DUSP29: variants seen among roughly 807,000 people sequenced by gnomAD.
DUSP29 encodes dual specificity phosphatase 29.
A neutral mutation model predicts 13.5 loss-of-function variants in DUSP29; 12 were observed. That is an observed-to-expected ratio of 0.89 (90% CI 0.57 to 1.44). The LOEUF is 1.44. Ranked by LOEUF, DUSP29 falls within the 40% of genes most tolerant of loss-of-function variation. The pLI, the probability that DUSP29 is intolerant of heterozygous loss-of-function variation, is 0.00. For missense variants in DUSP29, 308 were observed against 301.1 expected, an observed-to-expected ratio of 1.02 and a Z score of -0.17; for synonymous variants, 134 against 128.7, an observed-to-expected ratio of 1.04 and a Z score of -0.28.
At chr10:75,069,337 A>G (rs982091411) in intron 1 of DUSP29, among the ~76,000 whole-genome samples, 5 of 152,270 alleles carry the variant, frequency 3.3e-5, no homozygotes, top group East Asian at 1.9e-4. Context: ...GACCCAGACC[A>G]TGATGTCTGA....
At chr10:75,049,420 T>C (rs1846776437) in intron 2 of DUSP29, among the ~76,000 whole-genome samples, 1 of 152,212 alleles carries the variant, frequency 6.6e-6, no homozygotes, top group African/African-American at 2.4e-5. Flanking sequence ...TGCCTAACCA[T>C]GCAAGGAGAT....
chr10:75,040,944 CAA>C (rs1273599368), intron 3 of DUSP29, among the ~76,000 whole-genome samples: 3 of 152,136 alleles, frequency 2.0e-5, no homozygotes, highest in Admixed American at 6.5e-5. Context: ...GAACGCTTTT[CAA>C]AAAGAGTGAA....
At chr10:75,072,939 C>T (rs560147717) in intron 1 of DUSP29, among the ~76,000 whole-genome samples, 3 of 152,110 alleles carry the variant, frequency 2.0e-5, no homozygotes, top group South Asian at 4.2e-4. Flanking sequence ...CCTGCCCACA[C>T]GCGGTACAGC....
intron 2 of DUSP29, among the ~76,000 whole-genome samples, chr10:75,055,906 G>A (rs527740804): frequency 3.9e-5 from 6 of 152,076 alleles, no homozygotes; most frequent in Non-Finnish European, 8.8e-5. Flanking sequence ...TGTATATATA[G>A]TATGGGGTTT....
chr10:75,050,047 C>A (rs1334882285), intron 2 of DUSP29, among the ~76,000 whole-genome samples: 1 of 152,222 alleles, frequency 6.6e-6, no homozygotes, highest in Admixed American at 6.5e-5. Flanking sequence ...CACCCTGGCA[C>A]TGGCTCTCCG....
chr10:75,056,044 TAG>T, intron 2 of DUSP29, among the ~76,000 whole-genome samples: 1 of 152,126 alleles, frequency 6.6e-6, no homozygotes, highest in South Asian at 2.1e-4. Flanking sequence ...GCTGGGACTA[TAG>T]GTGTGCACCA....
chr10:75,073,191 G>T (rs941647756), intron 1 of DUSP29, among the ~76,000 whole-genome samples: 3 of 151,778 alleles, frequency 2.0e-5, no homozygotes, highest in Admixed American at 6.6e-5. Context: ...TCACTCCAGG[G>T]CCTCTCTCTC....
At chr10:75,044,102 G>T in intron 2 of DUSP29, 85 bp from the exon 3 acceptor site, 1 of 1,287,210 alleles carries the variant, frequency 7.8e-7, no homozygotes, top group Non-Finnish European at 1.1e-6. Flanking sequence ...GCTTTCCGCT[G>T]TGGATTCCAG....
intron 3 of DUSP29, among the ~76,000 whole-genome samples, chr10:75,041,472 G>T (rs1012031600): frequency 6.6e-6 from 1 of 152,208 alleles, no homozygotes; most frequent in Non-Finnish European, 1.5e-5. Flanking sequence ...TGGGTGGCAG[G>T]TGCCCCTCTG....
At chr10:75,063,821 T>C (rs1004089822) in intron 1 of DUSP29, among the ~76,000 whole-genome samples, 2 of 152,130 alleles carry the variant, frequency 1.3e-5, no homozygotes, top group Non-Finnish European at 2.9e-5. Context: ...ACGGTATACA[T>C]ATATCAAAAC....
intron 1 of DUSP29, among the ~76,000 whole-genome samples, chr10:75,063,221 A>G (rs1174021758): frequency 6.6e-6 from 1 of 152,152 alleles, no homozygotes; most frequent in Non-Finnish European, 1.5e-5. Flanking sequence ...TGGTATTTTT[A>G]TGATCCTCAT....
At chr10:75,071,370 A>G (rs964816581) in intron 1 of DUSP29, among the ~76,000 whole-genome samples, 15 of 151,946 alleles carry the variant, frequency 9.9e-5, no homozygotes, top group African/African-American at 3.6e-4. Flanking sequence ...GAGGCTGCTC[A>G]CCCCCACCCT....
In DUSP29 at chr10:75,043,864, G is replaced by C; in HGVS notation, c.354C>G (p.Thr118=). The change falls in exon 3 of 4, where the codon ACC becomes ACG. Residue 118 remains threonine, a synonymous_variant. Transcript: ENST00000338487. ...GGTAGAAGAAGACACTGAGGTCGAA[G>C]GTGGGCAGGTCGTCGGCCTCCACGC... The part of the protein sequence containing the change: ...YHGVEADDLP[T]FDLSVFFYPA... 1 of 1,614,082 alleles carries C rather than the reference G, an allele frequency of 6.2e-7. No homozygotes were observed. The highest frequency in any genetic ancestry group is 8.5e-7 in the Non-Finnish European group (1 of 1,179,950).
chr10:75,064,305 C>T (rs1847149527), intron 1 of DUSP29, among the ~76,000 whole-genome samples: 1 of 152,040 alleles, frequency 6.6e-6, no homozygotes, highest in Admixed American at 6.6e-5. Context: ...GTCAAGAGAT[C>T]GAGACTATCC....
intron 1 of DUSP29, among the ~76,000 whole-genome samples, chr10:75,064,196 C>G (rs577714665): frequency 6.7e-6 from 1 of 150,344 alleles, no homozygotes; most frequent in Non-Finnish European, 1.5e-5. Flanking sequence ...CACCACCACA[C>G]CTGGCTAATT....
intron 1 of DUSP29, among the ~76,000 whole-genome samples, chr10:75,060,944 A>G (rs945724085): frequency 6.6e-6 from 1 of 152,242 alleles, no homozygotes; most frequent in Non-Finnish European, 1.5e-5. Flanking sequence ...TATAAATAAT[A>G]TAATGTTGGG....
intron 1 of DUSP29, among the ~76,000 whole-genome samples, chr10:75,072,373 G>A (rs1332542480): frequency 6.6e-6 from 1 of 152,106 alleles, no homozygotes; most frequent in Non-Finnish European, 1.5e-5. Context: ...CTGAGCAGCT[G>A]GGTACTGAAC....
At chr10:75,052,076 T>G (rs986579040) in intron 2 of DUSP29, among the ~76,000 whole-genome samples, 3 of 152,102 alleles carry the variant, frequency 2.0e-5, no homozygotes, top group Admixed American at 1.3e-4. Context: ...GCAGTGACAT[T>G]TTCCATTTTC....
At chr10:75,039,722 C>A (rs1846545770) in intron 3 of DUSP29, among the ~76,000 whole-genome samples, 1 of 152,210 alleles carries the variant, frequency 6.6e-6, no homozygotes. Flanking sequence ...ATCTCCCATG[C>A]ACTATCTGGG....
Sources: gnomAD v4.1 joint callset for allele counts (sites outside exome capture counted in the v4.1 genomes callset) on GRCh38, gnomAD v4.1.1 for gene constraint, MANE v1.5 for transcripts, NCBI Gene and HGNC (gene_info 2026-07-23, HGNC 2026-07-21) for gene names.